SYN3: variants seen among roughly 807,000 people sequenced by gnomAD.
The protein encoded by SYN3 is synapsin-3.
SYN3 carries 35 observed loss-of-function variants against 65.8 expected under a neutral mutation model. That is an observed-to-expected ratio of 0.53 (90% CI 0.41 to 0.70). The LOEUF (loss-of-function observed/expected upper bound fraction) is 0.70, where lower values mean the gene tolerates loss of function less well. Among genes scored for constraint, SYN3 ranks in the 30% least tolerant of loss-of-function variants. The pLI, the probability that SYN3 is intolerant of heterozygous loss-of-function variation, is 0.00. For missense variants in SYN3, 680 were observed against 749.0 expected, an observed-to-expected ratio of 0.91 and a Z score of 1.08; for synonymous variants, 270 against 292.9, an observed-to-expected ratio of 0.92 and a Z score of 0.80.
intron 3 of SYN3, among the ~76,000 whole-genome samples, chr22:32,956,041 C>CATATATATAT (rs5845054): frequency 0.025 from 3,280 of 130,550 alleles, 168 homozygotes; most frequent in African/African-American, 0.083. Flanking sequence ...AATAAATTCA[C>CATATATATAT]ATATATATAT....
intron 6 of SYN3, among the ~76,000 whole-genome samples, chr22:32,821,613 G>A (rs2047247994): frequency 6.6e-6 from 1 of 152,234 alleles, no homozygotes; most frequent in African/African-American, 2.4e-5. Flanking sequence ...TGAGGGGCAA[G>A]GCAAATCGGA....
rs945048937 is a variant in SYN3, at chr22:32,511,750, T to C, written c.*1942A>G. Among the ~76,000 whole-genome samples the C allele has an allele frequency of 2.6e-5, 4 of 152,208 alleles. No individual in the cohort carries two copies. The highest frequency in any genetic ancestry group is 7.2e-5 in the African/African-American group (3 of 41,442). ...CAGTCTCCAGCTGCCAAATTATGGC[T>C]CCCAATAGTCACTGGCAATTGGACC... On this transcript the variant is annotated 3_prime_UTR_variant, in exon 14 of 14. Transcript: ENST00000358763.
intron 6 of SYN3, among the ~76,000 whole-genome samples, chr22:32,718,972 T>G (rs1235826123): frequency 6.6e-6 from 1 of 152,226 alleles, no homozygotes; most frequent in Non-Finnish European, 1.5e-5. Context: ...ATTCTTGCTT[T>G]TATGTCCACT....
At chr22:32,776,662 G>A (rs1187283694) in intron 6 of SYN3, among the ~76,000 whole-genome samples, 1 of 152,204 alleles carries the variant, frequency 6.6e-6, no homozygotes, top group East Asian at 1.9e-4. Flanking sequence ...ACGCAGCCTT[G>A]AGCAATGGCT....
chr22:32,784,127 C>G (rs1263027772), intron 6 of SYN3, among the ~76,000 whole-genome samples: 1 of 152,176 alleles, frequency 6.6e-6, no homozygotes, highest in East Asian at 1.9e-4. Context: ...TTTTGTCATT[C>G]TCTCTACTCT....
At chr22:32,975,282 C>T (rs757901752) in intron 3 of SYN3, among the ~76,000 whole-genome samples, 10 of 150,702 alleles carry the variant, frequency 6.6e-5, no homozygotes, top group African/African-American at 1.2e-4. Flanking sequence ...GGCTGAGGCA[C>T]GAGAATCACT....
At chr22:33,057,852 A>C (rs2054278799) in intron 1 of SYN3, 1 of 152,258 alleles carries the variant, frequency 6.6e-6, no homozygotes, top group African/African-American at 2.4e-5. Context: ...TGACCTCCCA[A>C]ACCCAAGGCA....
intron 3 of SYN3, among the ~76,000 whole-genome samples, chr22:32,978,380 T>C (rs1195522499): frequency 2.0e-5 from 3 of 152,112 alleles, no homozygotes; most frequent in Non-Finnish European, 4.4e-5. Flanking sequence ...ACACTCTTCA[T>C]TGAGAGAGAG....
In SYN3 at chr22:32,767,865, T is replaced by C. The variant is rs941886417; in HGVS notation, c.711+97050A>G. On this transcript the variant is annotated intron_variant, in intron 6 of 13. Transcript: ENST00000358763. ...CTTCTCTTGTTGATCTCACTCAGCC[T>C]CATGACTTTAAATATAATCTATGTG... Among the ~76,000 whole-genome samples, 72 of 152,310 alleles carry C rather than the reference T, an allele frequency of 4.7e-4. 1 individual carries two copies. Among genetic ancestry groups the C allele is most frequent in the Non-Finnish European group, 9.4e-4 (64 of 68,030 alleles).
intron 4 of SYN3, among the ~76,000 whole-genome samples, chr22:32,878,002 G>A (rs1384411219): frequency 4.6e-5 from 7 of 152,144 alleles, no homozygotes; most frequent in African/African-American, 7.2e-5. Flanking sequence ...AGGTAGATAC[G>A]ATAATAATAG....
Position 32,713,373 on chromosome 22 carries a change from C to T in SYN3, c.712-116637G>A, listed in dbSNP as rs113767141. On this transcript the variant is annotated intron_variant, in intron 6 of 13. Coordinates refer to ENST00000358763, the MANE Select transcript of SYN3 (RefSeq NM_003490.4). ...TTAAATTTTCTGCCCCTAGTTCCTCCGTGGTCAGGTACACTTTCAGAGGCT... is the reference window on the plus strand; with the variant it reads ...TTAAATTTTCTGCCCCTAGTTCCTCTGTGGTCAGGTACACTTTCAGAGGCT... Among the ~76,000 whole-genome samples the T allele has an allele frequency of 4.9e-3, 748 of 152,302 alleles. 4 individuals carry two copies. Among genetic ancestry groups the T allele is most frequent in the African/African-American group, 0.017 (696 of 41,556 alleles).
At chr22:32,974,643 A>ATT (rs1420506724) in intron 3 of SYN3, among the ~76,000 whole-genome samples, 1 of 151,962 alleles carries the variant, frequency 6.6e-6, no homozygotes, top group Non-Finnish European at 1.5e-5. Flanking sequence ...TCTCACTAGC[A>ATT]TTGTGTGTGT....
At chr22:32,769,310 T>C (rs1284533623) in intron 6 of SYN3, among the ~76,000 whole-genome samples, 1 of 152,170 alleles carries the variant, frequency 6.6e-6, no homozygotes, top group African/African-American at 2.4e-5. Flanking sequence ...ATCAATGACC[T>C]CCATGTTGCC....
Position 32,726,348 on chromosome 22 carries a change from G to A in SYN3, c.712-129612C>T, listed in dbSNP as rs374900339. On this transcript the variant is annotated intron_variant, in intron 6 of 13. Coordinates refer to ENST00000358763, the MANE Select transcript of SYN3 (RefSeq NM_003490.4). ...GGTAGAGACAGGGTTTCACCATGTT[G>A]GCCAGGATGTTCTTGATCTCCTGAC... Among the ~76,000 whole-genome samples, 8 of 152,202 alleles carry A rather than the reference G, an allele frequency of 5.3e-5. No individual in the cohort carries two copies. The East Asian group carries it at 9.7e-4, about 18-fold the overall frequency.
rs74829646 is a variant in SYN3, at chr22:32,885,500, G to A, written c.462-16375C>T. On this transcript the variant is annotated intron_variant, in intron 4 of 13. Coordinates refer to ENST00000358763, the MANE Select transcript of SYN3 (RefSeq NM_003490.4). ...GTCGCTTTTAAGAAGCATGGTGGAT[G>A]TTCCAGAATCCTCCCGGCAGGTACA... Among the ~76,000 whole-genome samples the A allele has an allele frequency of 6.8e-3, 1,037 of 152,172 alleles. 6 individuals are homozygous for A. Among genetic ancestry groups the A allele is most frequent in the East Asian group, 0.025 (129 of 5,170 alleles).
chr22:32,708,056 C>T (rs1334644049), intron 6 of SYN3, among the ~76,000 whole-genome samples: 1 of 152,336 alleles, frequency 6.6e-6, no homozygotes, highest in East Asian at 1.9e-4. Context: ...TACAGCTTAG[C>T]ATTCACATCT....
chr22:32,523,360 A>G (rs2057920131), intron 12 of SYN3, among the ~76,000 whole-genome samples: 1 of 152,106 alleles, frequency 6.6e-6, no homozygotes, highest in Non-Finnish European at 1.5e-5. Context: ...AAAATACAAA[A>G]AAATTAGCTG....
At chr22:32,576,502 T>G (rs1431089012) in intron 7 of SYN3, among the ~76,000 whole-genome samples, 1 of 152,202 alleles carries the variant, frequency 6.6e-6, no homozygotes, top group East Asian at 1.9e-4. Context: ...CGGTTTATGA[T>G]GGTGACTATT....
At chr22:33,048,208 A>C (rs375279793) in intron 1 of SYN3, among the ~76,000 whole-genome samples, 3 of 152,186 alleles carry the variant, frequency 2.0e-5, no homozygotes, top group African/African-American at 7.2e-5. Flanking sequence ...CCATACAGCA[A>C]CATTTCCTGG....
Sources: gnomAD v4.1 joint callset for allele counts (sites outside exome capture counted in the v4.1 genomes callset) on GRCh38, gnomAD v4.1.1 for gene constraint, MANE v1.5 for transcripts, NCBI Gene and HGNC (gene_info 2026-07-23, HGNC 2026-07-21) for gene names.